Variants in KCNK10 observed in about 807,000 individuals in gnomAD.
KCNK10 encodes potassium channel subfamily K member 10.
KCNK10 carries 25 observed loss-of-function variants against 47.7 expected under a neutral mutation model. The observed-to-expected ratio is 0.52, with a 90% CI of 0.38 to 0.73. The LOEUF is 0.73. Ranked by LOEUF, KCNK10 falls within the 30% of genes least tolerant of loss-of-function variation. The pLI is 0.00. For missense variants in KCNK10, 563 were observed against 714.5 expected, an observed-to-expected ratio of 0.79 and a Z score of 2.42; for synonymous variants, 303 against 285.6, an observed-to-expected ratio of 1.06 and a Z score of -0.61.
At chr14:88,194,258 T>G (rs889595324) in intron 4 of KCNK10, among the ~76,000 whole-genome samples, 2 of 152,248 alleles carry the variant, frequency 1.3e-5, no homozygotes, top group East Asian at 3.8e-4. Context: ...GTCTATTTCA[T>G]AAATTTCCAT....
intron 4 of KCNK10, among the ~76,000 whole-genome samples, chr14:88,210,799 C>T (rs757495747): frequency 1.2e-4 from 18 of 147,170 alleles, no homozygotes; most frequent in African/African-American, 3.3e-4. Context: ...ATTTACCAAA[C>T]GCTGTCATTT....
At chr14:88,215,046 A>G (rs1241755746) in intron 4 of KCNK10, among the ~76,000 whole-genome samples, 2 of 152,200 alleles carry the variant, frequency 1.3e-5, no homozygotes, top group Non-Finnish European at 2.9e-5. Context: ...AAGTCACAGA[A>G]CCAGTCTAAG....
At chr14:88,262,259 T>A (rs1333749818) in intron 2 of KCNK10, among the ~76,000 whole-genome samples, 1 of 152,178 alleles carries the variant, frequency 6.6e-6, no homozygotes, top group African/African-American at 2.4e-5. Flanking sequence ...AAACCCACTC[T>A]TTGTAGTTCA....
intron 2 of KCNK10, among the ~76,000 whole-genome samples, chr14:88,261,684 CA>C (rs1256420782): frequency 6.6e-6 from 1 of 151,608 alleles, no homozygotes; most frequent in Non-Finnish European, 1.5e-5. Flanking sequence ...ATACCTCGAT[CA>C]GGAAGTTGAA....
chr14:88,273,281 T>C (rs1887449874), intron 1 of KCNK10, among the ~76,000 whole-genome samples: 4 of 152,094 alleles, frequency 2.6e-5, no homozygotes. Flanking sequence ...GCATCAGAGA[T>C]GGTAGATCTT....
At chr14:88,249,238 A>G (rs1886727733) in intron 2 of KCNK10, among the ~76,000 whole-genome samples, 1 of 152,256 alleles carries the variant, frequency 6.6e-6, no homozygotes, top group Non-Finnish European at 1.5e-5. Flanking sequence ...TCTTCTGCCC[A>G]TTTCCATAGA....
At chr14:88,279,785 T>C (rs1224327763) in intron 1 of KCNK10, among the ~76,000 whole-genome samples, 3 of 152,082 alleles carry the variant, frequency 2.0e-5, no homozygotes, top group Admixed American at 1.3e-4. Flanking sequence ...TTGAACTGTA[T>C]CTCCCAGAAT....
chr14:88,272,431 A>G (rs1887428842), intron 1 of KCNK10, among the ~76,000 whole-genome samples: 1 of 152,060 alleles, frequency 6.6e-6, no homozygotes, highest in Admixed American at 6.6e-5. Context: ...AAAGGGCATT[A>G]GGTGTCTGCG....
At chr14:88,235,151 CT>C in intron 3 of KCNK10, 1 of 456,646 alleles carries the variant, frequency 2.2e-6, no homozygotes, top group Non-Finnish European at 4.4e-6. Flanking sequence ...CAGAAACACT[CT>C]GTCACAGAAA....
chr14:88,214,456 C>G (rs1885557687), intron 4 of KCNK10, among the ~76,000 whole-genome samples: 1 of 152,216 alleles, frequency 6.6e-6, no homozygotes, highest in Non-Finnish European at 1.5e-5. Context: ...CTGGCAACTG[C>G]TCTCGCAGAG....
At position 88,322,601 on chromosome 14, in the gene KCNK10, TC is replaced by T; in HGVS notation, c.52+145del. The T allele has an allele frequency of 9.5e-7, 1 of 1,051,552 alleles. No individual in the cohort carries two copies. Among genetic ancestry groups the T allele is most frequent in the Non-Finnish European group, 1.4e-6 (1 of 705,488 alleles). 65.1% of individuals were successfully genotyped at this position (1,051,552 alleles called of 1,614,324 possible). A position where few individuals can be genotyped will look rare whatever the true frequency, so the allele number is the denominator to read the frequency against. ...TTCGGAACCCACGCTGCCTCCGCCCTCCTCCCACCCGCGCTGCAGTTCCCAG... is the reference window on the plus strand; with the variant it reads ...TTCGGAACCCACGCTGCCTCCGCCCTCTCCCACCCGCGCTGCAGTTCCCAG... On this transcript the variant is annotated intron_variant, in intron 1 of 6. Transcript: ENST00000319231. The surrounding 1 kb of genome is among the most constrained non-coding windows in gnomAD (Gnocchi z 4.8).
intron 4 of KCNK10, among the ~76,000 whole-genome samples, chr14:88,209,116 T>C (rs1885374242): frequency 6.6e-6 from 1 of 152,194 alleles, no homozygotes; most frequent in African/African-American, 2.4e-5. Flanking sequence ...TTGAGCTCAG[T>C]AAAACCCATC....
chr14:88,214,020 A>C (rs1353600612), intron 4 of KCNK10, among the ~76,000 whole-genome samples: 1 of 151,290 alleles, frequency 6.6e-6, no homozygotes, highest in Non-Finnish European at 1.5e-5. Context: ...GCTCACTGCA[A>C]CCTCCGCCTC....
intron 1 of KCNK10, among the ~76,000 whole-genome samples, chr14:88,267,006 C>T (rs1327170696): frequency 6.6e-6 from 1 of 152,208 alleles, no homozygotes. Context: ...CCACCCATGC[C>T]TGAGCTTCCA....
intron 1 of KCNK10, among the ~76,000 whole-genome samples, chr14:88,278,522 C>A (rs1191501535): frequency 6.6e-6 from 1 of 152,118 alleles, no homozygotes; most frequent in Non-Finnish European, 1.5e-5. Flanking sequence ...AATGAAAGTA[C>A]CACATGCAAG....
chr14:88,323,032 C>T lies in KCNK10; in HGVS notation c.-234G>A. ...GCCAGGGGGTGGCCGGCCGCGGCCC[C>T]GTGGGTAAAAGAAAAAGTAAGATCG... On this transcript the variant is annotated 5_prime_UTR_variant, in exon 1 of 7. Transcript: ENST00000319231. 1.1e-5 allele frequency: 14 copies of T among 1,324,592 alleles called. No homozygotes were observed. Among genetic ancestry groups the T allele is most frequent in the Non-Finnish European group, 1.4e-5 (14 of 1,034,640 alleles). The allele number at this position is 1,324,592 out of a possible 1,614,324, so 82.1% of individuals were successfully genotyped here. A position where few individuals can be genotyped will look rare whatever the true frequency, so the allele number is the denominator to read the frequency against.
intron 3 of KCNK10, chr14:88,235,430 G>C (rs975612830): frequency 3.0e-6 from 1 of 338,448 alleles, no homozygotes; most frequent in Non-Finnish European, 5.8e-6. Flanking sequence ...TTGTGACCAA[G>C]TATGAAATAA....
intron 1 of KCNK10, among the ~76,000 whole-genome samples, chr14:88,312,212 C>A (rs1422284460): frequency 3.3e-5 from 5 of 152,166 alleles, no homozygotes; most frequent in Non-Finnish European, 2.9e-5. Context: ...CAGGAATAAG[C>A]CAGGCATGTA....
intron 4 of KCNK10, among the ~76,000 whole-genome samples, chr14:88,211,646 C>T (rs1029791275): frequency 2.0e-5 from 3 of 152,056 alleles, no homozygotes; most frequent in Non-Finnish European, 2.9e-5. Flanking sequence ...GGCTGTAATC[C>T]CAGTGCTTTG....
Sources: allele counts gnomAD v4.1 joint callset (sites outside exome capture counted in the v4.1 genomes callset), GRCh38; gene constraint gnomAD v4.1.1; non-coding constraint Gnocchi (gnomAD v3.1); transcripts MANE v1.5; gene names NCBI Gene and HGNC (gene_info 2026-07-23, HGNC 2026-07-21).